The following PER2 variants were observed in gnomAD, a reference collection of about 807,000 sequenced individuals.
The protein encoded by PER2 is period circadian regulator 2, also known as period circadian protein homolog 2.
A neutral mutation model predicts 121.0 loss-of-function variants in PER2; 66 were observed. That is an observed-to-expected ratio of 0.55 (90% CI 0.45 to 0.67). The LOEUF is 0.67. Ranked by LOEUF, PER2 falls within the 30% of genes least tolerant of loss-of-function variation. The probability of loss-of-function intolerance (pLI) is 0.00; values close to 1 mark genes in which losing one functional copy is unlikely to be tolerated. For missense variants in PER2, 1,521 were observed against 1,635.0 expected (o/e 0.93, Z 1.20); for synonymous variants, 684 against 659.9 (o/e 1.04, Z -0.56).
At chr2:238,291,718 C>A (rs1462226262), upstream of PER2, among the ~76,000 whole-genome samples, 2 of 152,172 alleles carry the variant, frequency 1.3e-5, no homozygotes, top group African/African-American at 2.4e-5. Flanking sequence ...CTACGGCTGA[C>A]CCCAGCTTGG....
chr2:238,293,467 AG>A (rs1386112367), upstream of PER2, among the ~76,000 whole-genome samples: 2 of 152,142 alleles, frequency 1.3e-5, no homozygotes, highest in Non-Finnish European at 2.9e-5. Flanking sequence ...CTGGTCATTA[AG>A]GCCATTAAGA....
intron 2 of PER2, 37 bp from the exon 3 acceptor site, chr2:238,277,230 T>C (rs748901484): frequency 1.2e-5 from 16 of 1,364,498 alleles, no homozygotes; most frequent in East Asian, 9.1e-5. Context: ...ATTTAGACAA[T>C]TGTATGCTCC....
At chr2:238,298,503 T>G in the PER2 span, 1 of 152,082 alleles carries the variant, frequency 6.6e-6, no homozygotes, top group African/African-American at 2.4e-5. Flanking sequence ...CTCTGGTAAG[T>G]GGGATTGTAA....
chr2:238,271,775 C>T (rs1014327794), intron 5 of PER2, among the ~76,000 whole-genome samples: 3 of 152,186 alleles, frequency 2.0e-5, no homozygotes, highest in African/African-American at 4.8e-5. Context: ...AGCCTAATGG[C>T]TAAGGTCAAC....
Position 238,253,206 on chromosome 2 carries a change from G to T in PER2, c.2817C>A (p.Ser939=). 1 of 1,595,874 alleles carries T rather than the reference G, an allele frequency of 6.3e-7. No homozygotes were observed. Among genetic ancestry groups the T allele is most frequent in the Non-Finnish European group, 8.6e-7 (1 of 1,168,636 alleles). ...CAGGCTGTGAGGCAGAGGCCATCTC[G>T]GATGTGAGTGTGGGGTGGCTCGGAA... ...PQFPSHPTLT[S]EMASASQPEF... The change falls in exon 19 of 23, where the codon TCC becomes TCA. Residue 939 remains serine (S), a synonymous_variant. Transcript: ENST00000254657. This position sits in a 1 kb window ranked among gnomAD's most constrained non-coding sequence, Gnocchi z 5.6.
At chr2:238,247,248 C>G (rs555299278) in intron 22 of PER2, 1 of 152,422 alleles carries the variant, frequency 6.6e-6, no homozygotes, top group South Asian at 2.1e-4. Flanking sequence ...CCTTGGCTTC[C>G]TCTTTTCCTC....
At chr2:238,272,974 T>C (rs1696335464) in intron 5 of PER2, 96 bp downstream of exon 5, 2 of 1,137,300 alleles carry the variant, frequency 1.8e-6, no homozygotes, top group Middle Eastern at 2.3e-4. Context: ...CCCCAAACAC[T>C]CCTGCCTTAC....
chr2:238,262,475 G>A, intron 10 of PER2, 131 bp from the exon 11 acceptor site: 1 of 825,038 alleles, frequency 1.2e-6, no homozygotes, highest in South Asian at 1.6e-5. Flanking sequence ...CTTCTTCAAA[G>A]CCACTGCTTT....
rs777906368 is a variant in PER2 at position 238,249,143 on chromosome 2, G to C, written c.3537C>G (p.Phe1179Leu). Residue 1179 changes from phenylalanine (F) to leucine (L), a missense_variant, in exon 22 of 23, where the codon TTC becomes TTG. Transcript: ENST00000254657. ...GCAGCTCCTGCTTCTGACTCTCCGT[G>C]AACCTGGGCTGGAGTTTCTGTAGGA... Reference protein sequence around the residue: ...LKLLQKLQPRFTESQKQELRE... With the variant: ...LKLLQKLQPRLTESQKQELRE... 48 of 1,614,116 alleles carry C rather than the reference G, an allele frequency of 3.0e-5. No homozygotes were observed. Among genetic ancestry groups the C allele is most frequent in the Non-Finnish European group, 4.1e-5 (48 of 1,179,936 alleles).
At chr2:238,270,946 T>C (rs998182725) in intron 6 of PER2, among the ~76,000 whole-genome samples, 4 of 152,214 alleles carry the variant, frequency 2.6e-5, no homozygotes, top group African/African-American at 4.8e-5. Context: ...GCTGCTAAGG[T>C]GGCAGGGGGA....
rs60735990 is a variant in PER2, at chr2:238,258,845, G to C, written c.1628-201C>G. Among the ~76,000 whole-genome samples the C allele has an allele frequency of 4.6e-5, 7 of 152,134 alleles. No individual in the cohort carries two copies. The East Asian group carries it at 7.8e-4, about 17-fold the overall frequency. ...CAGTGCCGTCCACAGAGAGACCTGG[G>C]GGGGGAGCTGCTGCCCAGCCTGGTG... On this transcript the variant is annotated intron_variant, in intron 14 of 22. Coordinates refer to ENST00000254657, the MANE Select transcript of PER2 (RefSeq NM_022817.3).
At chr2:238,265,854 C>G (rs1286957576) in intron 8 of PER2, among the ~76,000 whole-genome samples, 1 of 151,966 alleles carries the variant, frequency 6.6e-6, no homozygotes. Flanking sequence ...ACCACACGGA[C>G]CACGTAAAGA....
Position 238,251,696 on chromosome 2 carries a change from G to A in PER2, c.3177C>T (p.Leu1059=), listed in dbSNP as rs1213414587. ...CTGAGCAGAGGTCCTCATTCAGCAG[G>A]AGGTTTAGGAGGCCGCTTGACGTGG... ...ALSTSSGLLN[L]LLNEDLCSAS... is the part of the protein sequence containing the mutation. Residue 1059 remains leucine, a synonymous_variant, in exon 20 of 23, where the codon CTC becomes CTT. Transcript: ENST00000254657. 1 of 1,613,940 alleles carries A rather than the reference G, an allele frequency of 6.2e-7. No homozygotes were observed. The highest frequency in any genetic ancestry group is 8.5e-7 in the Non-Finnish European group (1 of 1,179,906).
chr2:238,266,156 G>A (rs933863518), intron 8 of PER2, among the ~76,000 whole-genome samples: 7 of 152,174 alleles, frequency 4.6e-5, no homozygotes, highest in Non-Finnish European at 1.0e-4. Flanking sequence ...GCCCACCTTG[G>A]CCTCCCAAAG....
chr2:238,245,723 C>T lies in PER2; in HGVS notation c.*652G>A, dbSNP rs1328092018. ...ACACAAACCACTAGGCTTCTTTAGT[C>T]CAGAGCAAATGTTTCAACTTTGTTC... On this transcript the variant is annotated 3_prime_UTR_variant, in exon 23 of 23. Transcript: ENST00000254657. 5.0e-6 allele frequency: 2 copies of T among 398,422 alleles called. No homozygotes were observed. Among genetic ancestry groups the T allele is most frequent in the East Asian group, 7.1e-5 (2 of 28,094 alleles). The allele number at this position is 398,422 out of a possible 1,614,324, so 24.7% of individuals were successfully genotyped here.
chr2:238,277,579 A>T, intron 2 of PER2, 128 bp downstream of exon 2: 2 of 1,143,452 alleles, frequency 1.7e-6, no homozygotes, highest in Non-Finnish European at 2.5e-6. Context: ...CATTTTAGGT[A>T]TTTTCAAAAA....
intron 16 of PER2, 86 bp downstream of exon 16, chr2:238,258,190 G>T: frequency 1.4e-6 from 2 of 1,426,658 alleles, no homozygotes; most frequent in Non-Finnish European, 2.0e-6. Context: ...CTTACACTGT[G>T]TCCACAGAAG....
At position 238,253,793 on chromosome 2, in the gene PER2, T is replaced by A; in HGVS notation, c.2321-91A>T. The A allele has an allele frequency of 5.8e-6, 6 of 1,026,244 alleles. No homozygotes were observed. Among genetic ancestry groups the A allele is most frequent in the Non-Finnish European group, 7.3e-6 (5 of 682,516 alleles). 63.6% of individuals were successfully genotyped at this position (1,026,244 alleles called of 1,614,324 possible). ...TCAACAGTCCTGGGTTTCCAAATGC[T>A]GGCCCAGGGCCTGCCTGGTCCACCG... On this transcript the variant is annotated intron_variant, in intron 18 of 22. Transcript: ENST00000254657. This position sits in a 1 kb window ranked among gnomAD's most constrained non-coding sequence, Gnocchi z 5.6.
chr2:238,273,099 C>T lies in PER2; in HGVS notation c.541G>A (p.Val181Ile), dbSNP rs150945534. The T allele has an allele frequency of 7.1e-5, 115 of 1,613,716 alleles. No individual in the cohort carries two copies. The highest frequency in any genetic ancestry group is 9.2e-5 in the Non-Finnish European group (109 of 1,179,736). The change falls in exon 5 of 23, where the codon GTT becomes ATT. Residue 181 changes from valine to isoleucine, a missense_variant. Val to Ile is a conservative substitution (Grantham distance 29, BLOSUM62 3). Transcript: ENST00000254657. ...PSYTVEEMESVTSEHIVKNAD... is the reference protein window; with the variant it reads ...PSYTVEEMESITSEHIVKNAD... ...TTCTTCACAATGTGCTCAGAGGTAACGCTCTCCATCTCCTCCACGGTGTAG... is the reference window on the plus strand; with the variant it reads ...TTCTTCACAATGTGCTCAGAGGTAATGCTCTCCATCTCCTCCACGGTGTAG...
Sources: gnomAD v4.1 joint callset for allele counts (sites outside exome capture counted in the v4.1 genomes callset) on GRCh38, gnomAD v4.1.1 for gene constraint, Gnocchi (gnomAD v3.1) non-coding constraint, MANE v1.5 for transcripts, NCBI Gene and HGNC (gene_info 2026-07-23, HGNC 2026-07-21) for gene names.